Variants in OTUD7A observed in about 807,000 individuals in gnomAD.
OTUD7A encodes OTU domain-containing protein 7A.
OTUD7A carries 12 observed loss-of-function variants against 65.7 expected under a neutral mutation model. The ratio of observed to expected loss-of-function variants is 0.18; its 90% confidence interval spans 0.12 to 0.30. The LOEUF (loss-of-function observed/expected upper bound fraction) is 0.30. OTUD7A is among the 10% of genes least tolerant of loss of function. The pLI is 1.00. For synonymous variants in OTUD7A, 641 were observed against 586.3 expected (o/e 1.09, Z -1.35); for missense variants, 1,148 against 1,304.8 (o/e 0.88, Z 1.85).
At chr15:31,508,308 C>T (rs1436014818) in intron 8 of OTUD7A, among the ~76,000 whole-genome samples, 1 of 152,008 alleles carries the variant, frequency 6.6e-6, no homozygotes, top group Non-Finnish European at 1.5e-5. Flanking sequence ...AAATAGGGTC[C>T]TTCCCAGGCT....
chr15:31,834,773 TA>T (rs1299283853), intron 1 of OTUD7A, among the ~76,000 whole-genome samples: 4 of 152,212 alleles, frequency 2.6e-5, no homozygotes, highest in Non-Finnish European at 5.9e-5. Context: ...AGGAAGTATG[TA>T]AAAGTGGTTA....
At position 31,813,520 on chromosome 15, in the gene OTUD7A, G is replaced by A. The variant is rs75248665; in HGVS notation, c.-100+56987C>T. Among the ~76,000 whole-genome samples the A allele has an allele frequency of 5.9e-3, 901 of 152,278 alleles. 11 individuals carry two copies. The highest frequency in any genetic ancestry group is 0.021 in the African/African-American group (870 of 41,550). ...TGGGTCTGATAAATGTGTGGGGGAG[G>A]TCAGGGGTAAAGGAGGACATTCTTT... is the stretch of plus-strand genomic sequence containing the variant. On this transcript the variant is annotated intron_variant, in intron 1 of 12. Coordinates refer to ENST00000307050, the MANE Select transcript of OTUD7A (RefSeq NM_001382637.1).
At chr15:31,801,846 GT>G (rs1209334311) in intron 1 of OTUD7A, among the ~76,000 whole-genome samples, 1 of 151,966 alleles carries the variant, frequency 6.6e-6, no homozygotes, top group South Asian at 2.1e-4. Context: ...GTAAAATTAT[GT>G]TTTTTATTTA....
At chr15:31,494,078 A>T (rs2041352983) in intron 10 of OTUD7A, among the ~76,000 whole-genome samples, 1 of 152,246 alleles carries the variant, frequency 6.6e-6, no homozygotes, top group Non-Finnish European at 1.5e-5. Flanking sequence ...ATGGTGGCAG[A>T]CATACATTCT....
At chr15:31,756,353 T>C (rs1277951671) in intron 1 of OTUD7A, among the ~76,000 whole-genome samples, 4 of 152,242 alleles carry the variant, frequency 2.6e-5, no homozygotes, top group African/African-American at 9.6e-5. Flanking sequence ...GAGAATAATG[T>C]AGACATTAAA....
chr15:31,760,991 G>T (rs115822320), intron 1 of OTUD7A, among the ~76,000 whole-genome samples: 163 of 152,014 alleles, frequency 1.1e-3, no homozygotes, highest in African/African-American at 3.8e-3. Context: ...AATGAATAAA[G>T]TTCTATCCTT....
At chr15:31,807,046 T>G (rs554236104) in intron 1 of OTUD7A, among the ~76,000 whole-genome samples, 1 of 152,252 alleles carries the variant, frequency 6.6e-6, no homozygotes, top group African/African-American at 2.4e-5. Flanking sequence ...CTGGAGATGT[T>G]GTAAGCCTCT....
chr15:31,771,026 G>T (rs754453676), intron 1 of OTUD7A, among the ~76,000 whole-genome samples: 8 of 152,176 alleles, frequency 5.3e-5, no homozygotes, highest in Non-Finnish European at 1.0e-4. Flanking sequence ...TGCCCCTCAT[G>T]GTCCACATTG....
chr15:31,850,810 G>A (rs1897406546), intron 1 of OTUD7A, among the ~76,000 whole-genome samples: 1 of 152,252 alleles, frequency 6.6e-6, no homozygotes, highest in East Asian at 1.9e-4. Context: ...TGGTACTCTT[G>A]GAGGCCTGAC....
chr15:31,709,889 G>A (rs1893398352), intron 1 of OTUD7A, among the ~76,000 whole-genome samples: 1 of 151,864 alleles, frequency 6.6e-6, no homozygotes, highest in African/African-American at 2.4e-5. Context: ...ATAGTTTATT[G>A]TTAACTAAAG....
chr15:31,625,178 C>A (rs1489732232), intron 3 of OTUD7A, among the ~76,000 whole-genome samples: 4 of 152,158 alleles, frequency 2.6e-5, no homozygotes, highest in Admixed American at 2.6e-4. Flanking sequence ...AGAATTGAGG[C>A]CACCAGCAGC....
rs398026753 is a variant in OTUD7A, at chr15:31,564,387, G to GTTTTTTTTTTTTTTTTT, written c.332-5201_332-5200insAAAAAAAAAAAAAAAAA. Among the ~76,000 whole-genome samples, 152 of 119,878 alleles carry GTTTTTTTTTTTTTTTTT rather than the reference G, an allele frequency of 1.3e-3. 8 individuals carry two copies. Among genetic ancestry groups the GTTTTTTTTTTTTTTTTT allele is most frequent in the Middle Eastern group, 4.9e-3 (1 of 206 alleles). The allele number at this position is 119,878 out of a possible 152,430, so 78.6% of individuals were successfully genotyped here. A position where few individuals can be genotyped will look rare whatever the true frequency, so the allele number is the denominator to read the frequency against. Reference sequence around the variant, plus strand: ...TTTTTGGAAGTAGTCTTTGAGGAAGGTTTTTTTTTTTTTAGCAAAAGAGAA... The same window carrying GTTTTTTTTTTTTTTTTT: ...TTTTTGGAAGTAGTCTTTGAGGAAGGTTTTTTTTTTTTTTTTTTTTTTTTTTTTTTAGCAAAAGAGAA... On this transcript the variant is annotated intron_variant, in intron 4 of 12. Transcript: ENST00000307050.
chr15:31,550,380 C>T (rs1219369180), intron 5 of OTUD7A, among the ~76,000 whole-genome samples: 1 of 152,178 alleles, frequency 6.6e-6, no homozygotes, highest in Non-Finnish European at 1.5e-5. Context: ...TCCCTCACTG[C>T]CTGTCTGTAA....
rs545095711 is a variant in OTUD7A at position 31,554,155 on chromosome 15, C to T, written c.550+4814G>A. Among the ~76,000 whole-genome samples, 4 of 152,274 alleles carry T rather than the reference C, an allele frequency of 2.6e-5. No homozygotes were observed. In the South Asian group the frequency reaches 6.2e-4, roughly 24 times the overall value. On this transcript the variant is annotated intron_variant, in intron 5 of 12. Coordinates refer to ENST00000307050, the MANE Select transcript of OTUD7A (RefSeq NM_001382637.1). ...TGCTGCCTCCCTCCCTGCCCTCCAG[C>T]GGCATCCCGGGATTCCCTCTCCTTC...
intron 1 of OTUD7A, chr15:31,768,337 GC>G: frequency 1.7e-6 from 1 of 597,048 alleles, no homozygotes; most frequent in Non-Finnish European, 3.0e-6. Context: ...GCGTGGATTG[GC>G]CTCACAATTT....
intron 8 of OTUD7A, among the ~76,000 whole-genome samples, chr15:31,507,035 T>C (rs2041584277): frequency 6.6e-6 from 1 of 152,202 alleles, no homozygotes. Context: ...CATTTGTATT[T>C]TGATGTATTG....
intron 1 of OTUD7A, among the ~76,000 whole-genome samples, chr15:31,862,720 G>C (rs1897777461): frequency 6.6e-6 from 1 of 152,168 alleles, no homozygotes. Context: ...TTCAAGTTGA[G>C]ATTTGGGTGA....
chr15:31,767,637 A>G (rs1169137224), intron 1 of OTUD7A: 2 of 771,560 alleles, frequency 2.6e-6, no homozygotes, highest in Non-Finnish European at 4.8e-6. Context: ...AGAATAAAAT[A>G]TCTCCAAACT....
intron 5 of OTUD7A, among the ~76,000 whole-genome samples, chr15:31,547,508 A>G (rs946076083): frequency 2.6e-5 from 4 of 152,170 alleles, no homozygotes; most frequent in Non-Finnish European, 5.9e-5. Flanking sequence ...TTCATTTCCA[A>G]TACCTAGATT....
Sources: gnomAD v4.1 joint callset for allele counts (sites outside exome capture counted in the v4.1 genomes callset) on GRCh38, gnomAD v4.1.1 for gene constraint, MANE v1.5 for transcripts, NCBI Gene and HGNC (gene_info 2026-07-23, HGNC 2026-07-21) for gene names.